ZMAT4: variants seen among roughly 807,000 people sequenced by gnomAD.
ZMAT4 encodes zinc finger matrin-type 4.
ZMAT4 carries 17 observed loss-of-function variants against 28.7 expected under a neutral mutation model. That is an observed-to-expected ratio of 0.59 (90% CI 0.41 to 0.89). The LOEUF (loss-of-function observed/expected upper bound fraction) is 0.89, where lower values mean the gene tolerates loss of function less well. Among genes scored for constraint, ZMAT4 ranks in the 40% least tolerant of loss-of-function variants. The pLI is 0.00. For missense variants in ZMAT4, 240 were observed against 283.8 expected (o/e 0.85, Z 1.11); for synonymous variants, 117 against 109.2 (o/e 1.07, Z -0.44).
At chr8:40,801,814 G>T (rs1034818873) in intron 2 of ZMAT4, among the ~76,000 whole-genome samples, 1 of 152,018 alleles carries the variant, frequency 6.6e-6, no homozygotes, top group Non-Finnish European at 1.5e-5. Context: ...TATGAACATA[G>T]ATGCAAAATT....
At chr8:40,882,660 T>C (rs1818321226) in intron 1 of ZMAT4, among the ~76,000 whole-genome samples, 1 of 152,174 alleles carries the variant, frequency 6.6e-6, no homozygotes, top group Admixed American at 6.5e-5. Context: ...TGGAACACTT[T>C]GTATGTTACA....
chr8:40,788,201 A>T (rs928091901), intron 2 of ZMAT4, among the ~76,000 whole-genome samples: 3 of 152,220 alleles, frequency 2.0e-5, no homozygotes, highest in Non-Finnish European at 2.9e-5. Context: ...TTAAAATAAT[A>T]ATCAGGTAAT....
intron 5 of ZMAT4, among the ~76,000 whole-genome samples, chr8:40,650,895 C>T (rs1807610535): frequency 1.3e-5 from 2 of 152,022 alleles, no homozygotes; most frequent in African/African-American, 4.8e-5. Flanking sequence ...GCTGAAAACT[C>T]TCAATAAATT....
chr8:40,687,508 C>T (rs1285620411), intron 4 of ZMAT4, among the ~76,000 whole-genome samples: 1 of 152,118 alleles, frequency 6.6e-6, no homozygotes, highest in East Asian at 1.9e-4. Context: ...GTTGGTGATT[C>T]AAGATTCATG....
chr8:40,693,699 A>G lies in ZMAT4; in HGVS notation c.349+3546T>C, dbSNP rs1809754450. ...ACTTCTGCCATTGCAGCATAAAAGC[A>G]GCCACAGACAATATGTAAATGAATG... On this transcript the variant is annotated intron_variant, in intron 4 of 6. Transcript: ENST00000297737. 2.0e-5 allele frequency among the ~76,000 whole-genome samples: 3 copies of G among 152,242 alleles called. No homozygotes were observed. The South Asian group carries it at 6.2e-4, about 32-fold the overall frequency.
chr8:40,766,985 G>C (rs948940874), intron 3 of ZMAT4, among the ~76,000 whole-genome samples: 1 of 152,094 alleles, frequency 6.6e-6, no homozygotes, highest in Non-Finnish European at 1.5e-5. Context: ...CTCTGCAGCT[G>C]GTGGATATGA....
At chr8:40,669,007 G>A (rs1206109809) in intron 5 of ZMAT4, among the ~76,000 whole-genome samples, 2 of 151,968 alleles carry the variant, frequency 1.3e-5, no homozygotes, top group African/African-American at 2.4e-5. Context: ...AGGTCAGGGG[G>A]GTCAGGAACT....
intron 5 of ZMAT4, among the ~76,000 whole-genome samples, chr8:40,648,434 AAATCTACGT>A (rs1563386375): frequency 5.3e-5 from 8 of 151,484 alleles, no homozygotes; most frequent in Admixed American, 2.0e-4. Context: ...TGAAAAGACC[AAATCTACGT>A]CTGATTGGTG....
chr8:40,624,567 C>T (rs1244141111), intron 5 of ZMAT4, among the ~76,000 whole-genome samples: 3 of 152,196 alleles, frequency 2.0e-5, no homozygotes, highest in Admixed American at 6.5e-5. Context: ...TAGTGTCTGA[C>T]ACATCTTTAA....
chr8:40,761,822 C>A (rs1812954507), intron 3 of ZMAT4, among the ~76,000 whole-genome samples: 1 of 152,168 alleles, frequency 6.6e-6, no homozygotes, highest in East Asian at 1.9e-4. Context: ...ATTTATCATG[C>A]ACCTTCACAA....
chr8:40,698,531 C>T (rs1349153886), intron 3 of ZMAT4, among the ~76,000 whole-genome samples: 6 of 152,266 alleles, frequency 3.9e-5, no homozygotes, highest in Admixed American at 1.3e-4. Context: ...CCACAATGGC[C>T]GCTTCTCTTA....
intron 5 of ZMAT4, among the ~76,000 whole-genome samples, chr8:40,641,877 T>C (rs375518895): frequency 6.6e-6 from 1 of 152,138 alleles, no homozygotes; most frequent in Non-Finnish European, 1.5e-5. Context: ...ACTTTACAAA[T>C]GTTGGGATCA....
At chr8:40,653,672 C>G (rs1341192276) in intron 5 of ZMAT4, among the ~76,000 whole-genome samples, 1 of 151,958 alleles carries the variant, frequency 6.6e-6, no homozygotes, top group Non-Finnish European at 1.5e-5. Context: ...CTACTTAAAA[C>G]AGATAAATTC....
At chr8:40,649,663 A>G (rs902295352) in intron 5 of ZMAT4, among the ~76,000 whole-genome samples, 25 of 152,014 alleles carry the variant, frequency 1.6e-4, no homozygotes, top group Non-Finnish European at 3.4e-4. Flanking sequence ...AAAATTGACC[A>G]CATACTTGGA....
chr8:40,663,892 G>A (rs1808298851), intron 5 of ZMAT4, among the ~76,000 whole-genome samples: 1 of 152,090 alleles, frequency 6.6e-6, no homozygotes, highest in Non-Finnish European at 1.5e-5. Context: ...AGTATAAAGA[G>A]AACTAATGCT....
chr8:40,565,282 T>C (rs1456604353), intron 6 of ZMAT4, among the ~76,000 whole-genome samples: 1 of 151,850 alleles, frequency 6.6e-6, no homozygotes, highest in African/African-American at 2.4e-5. Context: ...AGTTTCTAAG[T>C]GACAAAAGTA....
chr8:40,577,955 A>T (rs1383008936), intron 6 of ZMAT4, among the ~76,000 whole-genome samples: 1 of 152,014 alleles, frequency 6.6e-6, no homozygotes, highest in Non-Finnish European at 1.5e-5. Flanking sequence ...ATATAAACAA[A>T]CGCTGGTATA....
In ZMAT4 at chr8:40,625,393, C is replaced by T. The variant is rs937788170; in HGVS notation, c.578-44132G>A. On this transcript the variant is annotated intron_variant, in intron 5 of 6. Coordinates refer to ENST00000297737, the MANE Select transcript of ZMAT4 (RefSeq NM_024645.3). ...TCTAATTTATGCTTTAGAAATATGA[C>T]TCTGTCAGGCAGGAGAGGAAGAATA... 3.3e-5 allele frequency among the ~76,000 whole-genome samples: 5 copies of T among 152,086 alleles called. No homozygotes were observed. In the East Asian group the frequency reaches 9.7e-4, roughly 29 times the overall value.
At chr8:40,650,102 A>G (rs1433974169) in intron 5 of ZMAT4, among the ~76,000 whole-genome samples, 1 of 152,182 alleles carries the variant, frequency 6.6e-6, no homozygotes. Flanking sequence ...AAATAGAGAC[A>G]CAAAAAACCC....
Sources: allele counts gnomAD v4.1 joint callset (sites outside exome capture counted in the v4.1 genomes callset), GRCh38; gene constraint gnomAD v4.1.1; transcripts MANE v1.5; gene names NCBI Gene and HGNC (gene_info 2026-07-23, HGNC 2026-07-21).